The following SATB2 variants were observed in gnomAD, a reference collection of about 807,000 sequenced individuals.
The protein encoded by SATB2 is SATB homeobox 2.
In SATB2, 1 loss-of-function variant was observed where a neutral mutation model predicts 73.4. The ratio of observed to expected loss-of-function variants is 0.01; its 90% confidence interval spans 0.00 to 0.06. The LOEUF (loss-of-function observed/expected upper bound fraction) is 0.06. Among genes scored for constraint, SATB2 ranks in the 10% least tolerant of loss-of-function variants. The pLI, the probability that SATB2 is intolerant of heterozygous loss-of-function variation, is 1.00. For missense variants in SATB2, 459 were observed against 945.8 expected (o/e 0.49, Z 6.75); for synonymous variants, 397 against 367.0 (o/e 1.08, Z -0.93).
At chr2:199,404,618 ATG>A (rs1239646233) in intron 3 of SATB2, among the ~76,000 whole-genome samples, 7 of 152,202 alleles carry the variant, frequency 4.6e-5, no homozygotes, top group Non-Finnish European at 7.3e-5. Flanking sequence ...CTTTAATGTT[ATG>A]TGTCTTTTTA....
intron 5 of SATB2, 62 bp downstream of exon 5, chr2:199,380,302 C>G: frequency 1.9e-6 from 3 of 1,602,102 alleles, no homozygotes. Context: ...GAAGGAACCC[C>G]CTGATAGAGA....
At chr2:199,447,398 G>A (rs1258905261) in intron 2 of SATB2, among the ~76,000 whole-genome samples, 2 of 152,146 alleles carry the variant, frequency 1.3e-5, no homozygotes, top group Non-Finnish European at 2.9e-5. Flanking sequence ...ACCCCGGTGT[G>A]TGCTGAGAAG....
intron 3 of SATB2, among the ~76,000 whole-genome samples, chr2:199,406,485 C>A (rs190242135): frequency 6.6e-6 from 1 of 152,130 alleles, no homozygotes; most frequent in South Asian, 2.1e-4. Context: ...GCATTTTCCA[C>A]GGATAATCTA....
rs1559067214 is a variant in SATB2, at chr2:199,457,536, GGTT to G, written c.-260_-258del. On this transcript the variant is annotated 5_prime_UTR_variant, in exon 1 of 11. Transcript: ENST00000417098. The surrounding 1 kb of genome is among the most constrained non-coding windows in gnomAD (Gnocchi z 4.8). ...GGGTGTCTTCTTCTGGTGCGGAGATGGTTGTTATGATGATGATGGGGGGAGGGA... is the reference window on the plus strand; with the variant it reads ...GGGTGTCTTCTTCTGGTGCGGAGATGGTTATGATGATGATGGGGGGAGGGA... 1 of 152,142 alleles carries G rather than the reference GGTT, an allele frequency of 6.6e-6. No individual in the cohort carries two copies. The highest frequency in any genetic ancestry group is 2.4e-5 in the African/African-American group (1 of 41,200). 9.4% of individuals were successfully genotyped at this position (152,142 alleles called of 1,614,324 possible).
chr2:199,344,471 T>C (rs1339570530), intron 7 of SATB2, among the ~76,000 whole-genome samples: 1 of 151,868 alleles, frequency 6.6e-6, no homozygotes, highest in Non-Finnish European at 1.5e-5. Context: ...CATGTGAGAG[T>C]CTCTCAGGAC....
At chr2:199,286,781 T>C (rs1346525888) in intron 10 of SATB2, among the ~76,000 whole-genome samples, 3 of 152,190 alleles carry the variant, frequency 2.0e-5, no homozygotes, top group Non-Finnish European at 2.9e-5. Flanking sequence ...ACCTTACATC[T>C]GGTTAAAACG....
At chr2:199,277,434 G>A (rs1000588185) in intron 10 of SATB2, among the ~76,000 whole-genome samples, 3 of 152,044 alleles carry the variant, frequency 2.0e-5, no homozygotes, top group Non-Finnish European at 4.4e-5. Flanking sequence ...CCCAAATAAT[G>A]GAATATTTAA....
chr2:199,361,757 CT>C lies in SATB2; in HGVS notation c.700+6847del, dbSNP rs1420402233. On this transcript the variant is annotated intron_variant, in intron 6 of 10. Coordinates refer to ENST00000417098, the MANE Select transcript of SATB2 (RefSeq NM_001172509.2). ...TCGCCCAGCCAGGTCCCAACCATTT[CT>C]TTTTTTTTTTTTTTATGTGAGACAG... Among the ~76,000 whole-genome samples the C allele has an allele frequency of 5.6e-3, 790 of 140,212 alleles. 6 individuals carry two copies. Among genetic ancestry groups the C allele is most frequent in the Middle Eastern group, 0.012 (3 of 260 alleles). The allele number at this position is 140,212 out of a possible 152,430, so 92.0% of individuals were successfully genotyped here.
intron 10 of SATB2, among the ~76,000 whole-genome samples, chr2:199,280,977 G>A (rs983337386): frequency 3.3e-5 from 5 of 152,256 alleles, no homozygotes; most frequent in African/African-American, 1.2e-4. Flanking sequence ...GGGCATCAGG[G>A]AACCTGCTGA....
intron 10 of SATB2, among the ~76,000 whole-genome samples, chr2:199,302,118 C>T (rs2105759020): frequency 6.6e-6 from 1 of 152,250 alleles, no homozygotes; most frequent in East Asian, 1.9e-4. Flanking sequence ...GCCTACTTTG[C>T]CTGCCTACTT....
intron 3 of SATB2, among the ~76,000 whole-genome samples, chr2:199,415,103 A>G (rs549290740): frequency 6.6e-6 from 1 of 152,358 alleles, no homozygotes; most frequent in Admixed American, 6.5e-5. Flanking sequence ...AAAACAACAT[A>G]AGAATGAGCA....
At chr2:199,429,677 A>T (rs915900013) in intron 3 of SATB2, among the ~76,000 whole-genome samples, 3 of 152,204 alleles carry the variant, frequency 2.0e-5, no homozygotes, top group Non-Finnish European at 2.9e-5. Flanking sequence ...TGGGAGGCCG[A>T]GGTGGGCGGA....
intron 3 of SATB2, among the ~76,000 whole-genome samples, chr2:199,397,254 T>C (rs1338961019): frequency 6.6e-6 from 1 of 152,202 alleles, no homozygotes; most frequent in African/African-American, 2.4e-5. Flanking sequence ...TAATTATTGT[T>C]AAATCTATGA....
intron 3 of SATB2, among the ~76,000 whole-genome samples, chr2:199,383,817 A>C (rs1467764860): frequency 6.6e-6 from 1 of 152,238 alleles, no homozygotes. Flanking sequence ...CACTACAGCC[A>C]GACACAACAG....
At chr2:199,436,264 G>A (rs1691648131) in intron 2 of SATB2, among the ~76,000 whole-genome samples, 1 of 152,020 alleles carries the variant, frequency 6.6e-6, no homozygotes, top group African/African-American at 2.4e-5. Flanking sequence ...TGAAAGCACA[G>A]GGATCTATAA....
At chr2:199,403,154 A>G (rs1488962914) in intron 3 of SATB2, among the ~76,000 whole-genome samples, 1 of 152,166 alleles carries the variant, frequency 6.6e-6, no homozygotes, top group Non-Finnish European at 1.5e-5. Context: ...TTTATTAAAG[A>G]GTTATTGATA....
intron 10 of SATB2, among the ~76,000 whole-genome samples, chr2:199,295,224 T>G (rs1176125290): frequency 6.6e-6 from 1 of 152,220 alleles, no homozygotes; most frequent in Non-Finnish European, 1.5e-5. Flanking sequence ...GTTATCTGGA[T>G]GATCAAATGA....
chr2:199,349,478 T>G (rs1048646817), intron 6 of SATB2, among the ~76,000 whole-genome samples: 3 of 152,122 alleles, frequency 2.0e-5, no homozygotes, highest in Admixed American at 6.5e-5. Context: ...TCCTCTTAGA[T>G]CCCCCAAGCT....
intron 6 of SATB2, among the ~76,000 whole-genome samples, chr2:199,365,747 A>G (rs1264058032): frequency 6.6e-6 from 1 of 152,000 alleles, no homozygotes; most frequent in African/African-American, 2.4e-5. Context: ...CATTTTTCTC[A>G]TATTTATTTC....
Sources: gnomAD v4.1 joint callset for allele counts (sites outside exome capture counted in the v4.1 genomes callset) on GRCh38, gnomAD v4.1.1 for gene constraint, Gnocchi (gnomAD v3.1) non-coding constraint, MANE v1.5 for transcripts, NCBI Gene and HGNC (gene_info 2026-07-23, HGNC 2026-07-21) for gene names.